The following SEC14L3 variants were observed in gnomAD, a reference collection of about 807,000 sequenced individuals.
SEC14L3 encodes SEC14 like lipid binding 3.
SEC14L3 carries 56 observed loss-of-function variants against 57.4 expected under a neutral mutation model. That is an observed-to-expected ratio of 0.97 (90% confidence interval 0.79 to 1.22). SEC14L3 has a LOEUF of 1.22. SEC14L3 is among the 50% of genes most tolerant of loss of function. SEC14L3 has a pLI of 0.00. For synonymous variants in SEC14L3, 173 were observed against 194.4 expected (o/e 0.89, Z 0.92); for missense variants, 485 against 511.7 (o/e 0.95, Z 0.50).
chr22:30,471,987 G>T lies in SEC14L3; in HGVS notation c.-29C>A. ...GCTGGCTGGGGCTTGAGGAGTGGTG[G>T]CCACTATAGGCAAGAGGCCAAGCCT... On this transcript the variant is annotated 5_prime_UTR_variant, in exon 1 of 12. Coordinates refer to ENST00000215812, the MANE Select transcript of SEC14L3 (RefSeq NM_174975.5). 1 of 1,578,952 alleles carries T rather than the reference G, an allele frequency of 6.3e-7. No homozygotes were observed. The highest frequency in any genetic ancestry group is 8.6e-7 in the Non-Finnish European group (1 of 1,163,038).
In SEC14L3 at chr22:30,459,921, A is replaced by G; in HGVS notation, c.*100T>C. ...CTTTCTGTACTCACTAACGTCACAG[A>G]GTCAGGAGGACTAACAATCAATTTC... On this transcript the variant is annotated 3_prime_UTR_variant, in exon 12 of 12. Coordinates refer to ENST00000215812, the MANE Select transcript of SEC14L3 (RefSeq NM_174975.5). 6.6e-7 allele frequency: 1 copy of G among 1,512,630 alleles called. No homozygotes were observed. Among genetic ancestry groups the G allele is most frequent in the South Asian group, 1.3e-5 (1 of 76,696 alleles). 93.7% of individuals were successfully genotyped at this position (1,512,630 alleles called of 1,614,324 possible).
downstream of SEC14L3, among the ~76,000 whole-genome samples, chr22:30,456,762 A>G (rs553886819): frequency 2.8e-4 from 42 of 152,276 alleles, no homozygotes; most frequent in African/African-American, 7.9e-4. Context: ...TCCTTCCCCA[A>G]TGCTGCCTCC....
chr22:30,448,752 C>T (rs1426372495), exon 13 of SEC14L3: 1 of 209,578 alleles, frequency 4.8e-6, no homozygotes, highest in Non-Finnish European at 9.4e-6. Context: ...AAAACCCAGG[C>T]ATGGTGATGT....
intron 7 of SEC14L3, among the ~76,000 whole-genome samples, chr22:30,465,321 C>T (rs887765481): frequency 6.6e-6 from 1 of 152,312 alleles, no homozygotes; most frequent in Middle Eastern, 3.4e-3. Flanking sequence ...AGCCAAACAG[C>T]AAAGCAATCA....
chr22:30,458,257 G>T (rs79265042), downstream of SEC14L3, among the ~76,000 whole-genome samples: 775 of 152,330 alleles, frequency 5.1e-3, 12 homozygotes, highest in African/African-American at 0.018. Flanking sequence ...CCTGGCCTTT[G>T]CCCTAGTCAC....
At position 30,470,540 on chromosome 22, in the gene SEC14L3, G is replaced by C. The variant is rs1488232357; in HGVS notation, c.97C>G (p.Pro33Ala). 10 of 1,614,068 alleles carry C rather than the reference G, an allele frequency of 6.2e-6. No individual in the cohort carries two copies. In the African/African-American group the frequency reaches 9.3e-5, roughly 15 times the overall value. Reference protein sequence around the residue: ...VQDVLPALPNPDDYFLLRWLR... With the variant: ...VQDVLPALPNADDYFLLRWLR... ...CAGCGTAGAAGGAAATAATCATCAG[G>C]GTTGGGCAGGGCAGGAAGCACATCC... The change falls in exon 2 of 12, where the codon CCT becomes GCT. Residue 33 changes from proline to alanine, a missense_variant. Physicochemically the swap from Pro to Ala is conservative, Grantham distance 27. Coordinates refer to ENST00000215812, the MANE Select transcript of SEC14L3 (RefSeq NM_174975.5).
chr22:30,469,668 G>T (rs189769490), intron 4 of SEC14L3, among the ~76,000 whole-genome samples: 2 of 152,332 alleles, frequency 1.3e-5, no homozygotes, highest in East Asian at 3.9e-4. Context: ...GTGGTTACGA[G>T]CCTGGGTTTG....
intron 12 of SEC14L3, among the ~76,000 whole-genome samples, chr22:30,453,623 G>A (rs1262796645): frequency 6.6e-6 from 1 of 152,146 alleles, no homozygotes; most frequent in Non-Finnish European, 1.5e-5. Context: ...ATGTTGGCCA[G>A]GCTGGTCTCA....
chr22:30,457,091 C>T (rs1214838297), downstream of SEC14L3, among the ~76,000 whole-genome samples: 1 of 152,204 alleles, frequency 6.6e-6, no homozygotes, highest in Non-Finnish European at 1.5e-5. Flanking sequence ...CCTGCTTCAA[C>T]ATCGAGGCCT....
chr22:30,467,043 A>T lies in SEC14L3; in HGVS notation c.458T>A (p.Phe153Tyr). 6.2e-7 allele frequency: 1 copy of T among 1,614,090 alleles called. No individual in the cohort carries two copies. Among genetic ancestry groups the T allele is most frequent in the Admixed American group, 1.7e-5 (1 of 60,020 alleles). The change falls in exon 6 of 12, where the codon TTT becomes TAT. Residue 153 changes from phenylalanine (F) to tyrosine (Y), a missense_variant. Coordinates refer to ENST00000215812, the MANE Select transcript of SEC14L3 (RefSeq NM_174975.5). ...TTTCAGTCCCAGGCCCTCACAGTCAAATATCATCACGATGGTCTCAATCTT... is the reference window on the plus strand; with the variant it reads ...TTTCAGTCCCAGGCCCTCACAGTCATATATCATCACGATGGTCTCAATCTT... ...GKKIETIVMIFDCEGLGLKHF... is the reference protein window; with the variant it reads ...GKKIETIVMIYDCEGLGLKHF...
At position 30,461,448 on chromosome 22, in the gene SEC14L3, CG is replaced by C. The variant is rs928533181; in HGVS notation, c.942del (p.Ile314MetfsTer7). The C allele has an allele frequency of 1.2e-6, 2 of 1,613,696 alleles. No homozygotes were observed. Among genetic ancestry groups the C allele is most frequent in the Non-Finnish European group, 1.7e-6 (2 of 1,179,860 alleles). On this transcript the variant is annotated frameshift_variant, in exon 11 of 12. Coordinates refer to ENST00000215812, the MANE Select transcript of SEC14L3 (RefSeq NM_174975.5). LOFTEE classifies it high-confidence loss of function. ...TTGGTCTTCAGGAAAACTCCGAAGC[CG>C]ATGTCCGCACCATCAGATGAGAACT... ...RWQFSSDGAD[I>X]GFGVFLKTKM...
intron 1 of SEC14L3, 99 bp from the exon 2 acceptor site, chr22:30,470,681 C>A: frequency 6.4e-7 from 1 of 1,564,690 alleles, no homozygotes; most frequent in South Asian, 1.2e-5. Flanking sequence ...CTCCCACATG[C>A]AAAATGGCCC....
chr22:30,452,175 T>G (rs1935000206), intron 12 of SEC14L3, among the ~76,000 whole-genome samples: 1 of 151,654 alleles, frequency 6.6e-6, no homozygotes, highest in African/African-American at 2.4e-5. Flanking sequence ...CCTTAAATTT[T>G]GCACATGCGA....
Position 30,470,505 on chromosome 22 carries a change from A to G in SEC14L3, c.130+2T>C. 1 of 1,613,962 alleles carries G rather than the reference A, an allele frequency of 6.2e-7. No homozygotes were observed. Among genetic ancestry groups the G allele is most frequent in the Non-Finnish European group, 8.5e-7 (1 of 1,180,004 alleles). ...CCCAACCTCTCCCACCTCTGCCCTCACCTCGGAGCCAGCGTAGAAGGAAAT... is the reference window on the plus strand; with the variant it reads ...CCCAACCTCTCCCACCTCTGCCCTCGCCTCGGAGCCAGCGTAGAAGGAAAT... On this transcript the variant is annotated splice_donor_variant, in intron 2 of 11. Transcript: ENST00000215812. LOFTEE classifies it high-confidence loss of function.
At chr22:30,457,164 C>A (rs1391124117), downstream of SEC14L3, among the ~76,000 whole-genome samples, 1 of 152,120 alleles carries the variant, frequency 6.6e-6, no homozygotes, top group Non-Finnish European at 1.5e-5. Context: ...CACACTAAGC[C>A]ATCCTCTCCC....
downstream of SEC14L3, among the ~76,000 whole-genome samples, chr22:30,456,515 G>A (rs2146092786): frequency 6.6e-6 from 1 of 152,150 alleles, no homozygotes; most frequent in Non-Finnish European, 1.5e-5. Context: ...GTGAGAGGAA[G>A]GGAGCAAGAA....
chr22:30,461,699 G>A lies in SEC14L3; in HGVS notation c.772-5C>T, dbSNP rs775280506. 9 of 1,610,908 alleles carry A rather than the reference G, an allele frequency of 5.6e-6. No homozygotes were observed. The highest frequency in any genetic ancestry group is 3.3e-5 in the South Asian group (3 of 90,546). ...GATCTCCCCGCCATAGTTAATCTGC[G>A]GACATGGGATGAGATGGGCTTGCTT... On this transcript the variant is annotated splice_polypyrimidine_tract_variant and splice_region_variant and intron_variant, in intron 9 of 11. Coordinates refer to ENST00000215812, the MANE Select transcript of SEC14L3 (RefSeq NM_174975.5).
At chr22:30,466,266 G>T in intron 7 of SEC14L3, 68 bp downstream of exon 7, 1 of 1,448,594 alleles carries the variant, frequency 6.9e-7, no homozygotes, top group Non-Finnish European at 9.6e-7. Context: ...GACAAAGACA[G>T]TGTTATCACC....
chr22:30,451,948 C>T (rs896960703), intron 12 of SEC14L3, among the ~76,000 whole-genome samples: 4 of 137,132 alleles, frequency 2.9e-5, no homozygotes, highest in East Asian at 2.4e-4. Context: ...GCCAAGATCG[C>T]GCCACTGCAC....
Sources: allele counts gnomAD v4.1 joint callset (sites outside exome capture counted in the v4.1 genomes callset), GRCh38; gene constraint gnomAD v4.1.1; transcripts MANE v1.5; gene names NCBI Gene and HGNC (gene_info 2026-07-23, HGNC 2026-07-21).